STPG2: variants seen among roughly 807,000 people sequenced by gnomAD.
STPG2 encodes the protein sperm-tail PG-rich repeat-containing protein 2.
STPG2 carries 56 observed loss-of-function variants against 54.2 expected under a neutral mutation model. That is an observed-to-expected ratio of 1.03 (90% confidence interval 0.83 to 1.29). The LOEUF (loss-of-function observed/expected upper bound fraction) is 1.29, where lower values mean the gene tolerates loss of function less well. Ranked by LOEUF, STPG2 falls within the 50% of genes most tolerant of loss-of-function variation. The pLI is 0.00. For synonymous variants in STPG2, 200 were observed against 181.8 expected (o/e 1.10, Z -0.81); for missense variants, 596 against 544.9 (o/e 1.09, Z -0.93).
intron 9 of STPG2, among the ~76,000 whole-genome samples, chr4:97,767,053 C>T (rs1726076792): frequency 6.6e-6 from 1 of 151,860 alleles, no homozygotes; most frequent in Non-Finnish European, 1.5e-5. Context: ...ATAAGCAACA[C>T]AAGCAATTTT....
At chr4:97,907,713 A>G (rs11158284) in intron 8 of STPG2, among the ~76,000 whole-genome samples, 2 of 152,186 alleles carry the variant, frequency 1.3e-5, no homozygotes, top group East Asian at 3.9e-4. Flanking sequence ...AAATAACGCC[A>G]CTTATCTACA....
rs1410321752 is a variant in STPG2, at chr4:97,801,539, T to G, written c.1204+39234A>C. On this transcript the variant is annotated intron_variant, in intron 9 of 10. Transcript: ENST00000295268. ...AGTAATATAGAAGCTATGGTGAGTATGCAAACCAGGCACAAATCTAGGGCA... is the reference window on the plus strand; with the variant it reads ...AGTAATATAGAAGCTATGGTGAGTAGGCAAACCAGGCACAAATCTAGGGCA... Among the ~76,000 whole-genome samples, 6 of 152,314 alleles carry G rather than the reference T, an allele frequency of 3.9e-5. No homozygotes were observed. In the East Asian group the frequency reaches 1.2e-3, roughly 29 times the overall value.
chr4:97,505,434 A>T (rs1730822869), intron 4 of STPG2, among the ~76,000 whole-genome samples: 1 of 151,996 alleles, frequency 6.6e-6, no homozygotes, highest in Non-Finnish European at 1.5e-5. Context: ...GATATTGATT[A>T]TTGAAAAATT....
intron 8 of STPG2, among the ~76,000 whole-genome samples, chr4:97,915,054 C>A (rs893208718): frequency 1.3e-5 from 2 of 152,104 alleles, no homozygotes. Flanking sequence ...ATCCATTCAT[C>A]TAGTGATAGA....
intron 4 of STPG2, among the ~76,000 whole-genome samples, chr4:97,458,932 T>C (rs981233120): frequency 2.0e-5 from 3 of 152,076 alleles, no homozygotes; most frequent in African/African-American, 7.2e-5. Flanking sequence ...TCAGGGCAAT[T>C]AGCAAAAGTA....
chr4:97,971,018 A>G (rs1282322970), intron 7 of STPG2, among the ~76,000 whole-genome samples: 1 of 152,246 alleles, frequency 6.6e-6, no homozygotes, highest in Non-Finnish European at 1.5e-5. Flanking sequence ...ACACTTCTCA[A>G]AAGAAGACAG....
At chr4:97,938,688 C>T (rs72686455) in intron 8 of STPG2, among the ~76,000 whole-genome samples, 1 of 152,180 alleles carries the variant, frequency 6.6e-6, no homozygotes, top group Non-Finnish European at 1.5e-5. Flanking sequence ...CTCACTGCCT[C>T]CCTTGGCTGG....
intron 8 of STPG2, among the ~76,000 whole-genome samples, chr4:97,885,413 T>C (rs1044711101): frequency 6.6e-6 from 1 of 152,190 alleles, no homozygotes; most frequent in Non-Finnish European, 1.5e-5. Context: ...CGTGTTACCA[T>C]AGTCAAACTC....
intron 4 of STPG2, among the ~76,000 whole-genome samples, chr4:97,493,674 G>A (rs976931543): frequency 6.6e-5 from 10 of 151,422 alleles, no homozygotes; most frequent in Admixed American, 4.0e-4. Flanking sequence ...TGATGTAAGT[G>A]CCAACTGTCT....
intron 3 of STPG2, among the ~76,000 whole-genome samples, chr4:98,120,753 G>T (rs1342013301): frequency 6.6e-6 from 1 of 151,920 alleles, no homozygotes; most frequent in Non-Finnish European, 1.5e-5. Flanking sequence ...TTTTTACTGG[G>T]GTTGTTTTTT....
intron 9 of STPG2, among the ~76,000 whole-genome samples, chr4:97,821,510 A>G (rs1402911947): frequency 6.6e-6 from 1 of 152,158 alleles, no homozygotes; most frequent in East Asian, 1.9e-4. Context: ...TCCAGTAGGC[A>G]GTGCCCCAGC....
intron 4 of STPG2, among the ~76,000 whole-genome samples, chr4:97,505,597 T>G (rs917393649): frequency 1.3e-5 from 2 of 152,002 alleles, no homozygotes; most frequent in African/African-American, 4.8e-5. Flanking sequence ...ATTGAAATTG[T>G]GCACTGATAT....
chr4:97,756,249 A>G (rs1156752435), intron 9 of STPG2, among the ~76,000 whole-genome samples: 1 of 152,204 alleles, frequency 6.6e-6, no homozygotes, highest in Non-Finnish European at 1.5e-5. Context: ...AAAATTATTG[A>G]AAGAGAAAAA....
chr4:98,005,392 A>C (rs964392889), intron 5 of STPG2, among the ~76,000 whole-genome samples: 1 of 152,206 alleles, frequency 6.6e-6, no homozygotes, highest in Non-Finnish European at 1.5e-5. Context: ...GCTCTAAAGA[A>C]CAAACAGCTC....
At chr4:97,718,042 A>G (rs561475072) in intron 9 of STPG2, among the ~76,000 whole-genome samples, 46 of 152,146 alleles carry the variant, frequency 3.0e-4, no homozygotes, top group Middle Eastern at 3.4e-3. Flanking sequence ...ATAAGTCTCA[A>G]CATATATTTG....
intron 4 of STPG2, among the ~76,000 whole-genome samples, chr4:97,520,426 A>G (rs997991751): frequency 6.6e-6 from 1 of 152,076 alleles, no homozygotes; most frequent in Admixed American, 6.6e-5. Context: ...ACCAGTCTCT[A>G]CTTGTGAACT....
intron 5 of STPG2, among the ~76,000 whole-genome samples, chr4:98,100,673 T>TTTTTTTTTTTTTTTG (rs1739002159): frequency 4.3e-5 from 6 of 140,670 alleles, no homozygotes; most frequent in Non-Finnish European, 9.2e-5. Flanking sequence ...TTTTTTTTTT[T>TTTTTTTTTTTTTTTG]TTTTTTTTTT....
At chr4:97,854,852 T>C (rs929625457) in intron 8 of STPG2, among the ~76,000 whole-genome samples, 2 of 152,152 alleles carry the variant, frequency 1.3e-5, no homozygotes, top group African/African-American at 4.8e-5. Flanking sequence ...ATCACCTACG[T>C]ATTAAGCCCA....
intron 4 of STPG2, among the ~76,000 whole-genome samples, chr4:97,454,951 G>A (rs952159553): frequency 3.9e-5 from 6 of 152,028 alleles, no homozygotes; most frequent in African/African-American, 1.5e-4. Flanking sequence ...CATGCCTACT[G>A]TTTACTAGCA....
Sources: allele counts gnomAD v4.1 joint callset (sites outside exome capture counted in the v4.1 genomes callset), GRCh38; gene constraint gnomAD v4.1.1; transcripts MANE v1.5; gene names NCBI Gene and HGNC (gene_info 2026-07-23, HGNC 2026-07-21).